ALK: variants seen among roughly 807,000 people sequenced by gnomAD.
The protein encoded by ALK is ALK tyrosine kinase receptor.
In ALK, 74 loss-of-function variants were observed where a neutral mutation model predicts 163.1. That is an observed-to-expected ratio of 0.45 (90% confidence interval 0.38 to 0.55). The LOEUF is 0.55. Among genes scored for constraint, ALK ranks in the 20% least tolerant of loss-of-function variants. The pLI is 0.00. For missense variants in ALK, 2,063 were observed against 2,105.3 expected (o/e 0.98, Z 0.39); for synonymous variants, 960 against 843.2 (o/e 1.14, Z -2.40).
rs568743316 is a variant in ALK at position 29,249,619 on chromosome 2, C to T, written c.2204+1486G>A. Among the ~76,000 whole-genome samples the T allele has an allele frequency of 1.1e-4, 17 of 152,296 alleles. No individual in the cohort carries two copies. The East Asian group carries it at 2.7e-3, about 24-fold the overall frequency. ...CCTTACATGTGTTGCTAAGCTCCTC[C>T]GACTCCAGAGTTCTCCCTTGGAAAC... is the stretch of plus-strand genomic sequence containing the variant. On this transcript the variant is annotated intron_variant, in intron 12 of 28. Coordinates refer to ENST00000389048, the MANE Select transcript of ALK (RefSeq NM_004304.5).
intron 4 of ALK, among the ~76,000 whole-genome samples, chr2:29,429,409 T>A (rs1187095527): frequency 2.0e-5 from 3 of 151,982 alleles, no homozygotes; most frequent in Non-Finnish European, 4.4e-5. Flanking sequence ...AAGGTTGCAG[T>A]ATACCAAAAA....
chr2:29,214,246 A>G (rs1247364624), intron 23 of ALK, among the ~76,000 whole-genome samples, 165 bp from the exon 24 acceptor site: 1 of 152,170 alleles, frequency 6.6e-6, no homozygotes, highest in Non-Finnish European at 1.5e-5. Context: ...GAGGCATTTG[A>G]AAGAATTTGG....
chr2:29,912,944 A>T (rs1667745468), intron 1 of ALK, among the ~76,000 whole-genome samples: 1 of 152,200 alleles, frequency 6.6e-6, no homozygotes, highest in Non-Finnish European at 1.5e-5. Context: ...AAAGAAAAAT[A>T]TAACCAATGG....
At chr2:29,665,368 C>T (rs1677484147) in intron 3 of ALK, among the ~76,000 whole-genome samples, 1 of 151,980 alleles carries the variant, frequency 6.6e-6, no homozygotes. Flanking sequence ...TACTCTGAGC[C>T]TACTGTATTT....
intron 9 of ALK, among the ~76,000 whole-genome samples, chr2:29,293,055 G>A (rs1666080406): frequency 6.6e-6 from 1 of 152,182 alleles, no homozygotes; most frequent in Admixed American, 6.5e-5. Context: ...GACAAAGAAA[G>A]CACAGGTACC....
intron 2 of ALK, among the ~76,000 whole-genome samples, chr2:29,712,259 A>G (rs1202797976): frequency 6.6e-6 from 1 of 152,206 alleles, no homozygotes; most frequent in Non-Finnish European, 1.5e-5. Context: ...TGGTGAATGC[A>G]TGCAGAGATC....
chr2:29,861,317 A>G (rs935089320), intron 1 of ALK, among the ~76,000 whole-genome samples: 4 of 152,218 alleles, frequency 2.6e-5, no homozygotes, highest in African/African-American at 7.2e-5. Context: ...AATAAATGAA[A>G]CAGATACTTG....
intron 1 of ALK, among the ~76,000 whole-genome samples, chr2:29,751,964 T>C (rs1421741019): frequency 1.3e-5 from 2 of 152,126 alleles, no homozygotes; most frequent in African/African-American, 2.4e-5. Flanking sequence ...AGAGGTATTA[T>C]CCCCATTTTA....
chr2:29,698,243 T>G (rs1678630102), intron 2 of ALK, among the ~76,000 whole-genome samples: 2 of 152,132 alleles, frequency 1.3e-5, no homozygotes, highest in Admixed American at 1.3e-4. Context: ...GACACCTGGT[T>G]TTCAGAGCAG....
intron 3 of ALK, among the ~76,000 whole-genome samples, chr2:29,657,388 T>C (rs1397372025): frequency 6.6e-6 from 1 of 151,758 alleles, no homozygotes; most frequent in Non-Finnish European, 1.5e-5. Flanking sequence ...ATCTGTAAAA[T>C]GGGGACAGCA....
Position 29,918,607 on chromosome 2 carries a change from ACT to A in ALK, c.667+1384_667+1385del, listed in dbSNP as rs756697097. On this transcript the variant is annotated intron_variant, in intron 1 of 28. Coordinates refer to ENST00000389048, the MANE Select transcript of ALK (RefSeq NM_004304.5). ...CACTAATGTTGAAATGTGCATCCGC[ACT>A]CTGTTTTTCTTGGGGGTCACATACT... Among the ~76,000 whole-genome samples the A allele has an allele frequency of 1.3e-4, 19 of 149,432 alleles. No homozygotes were observed. In the East Asian group the frequency reaches 2.7e-3, roughly 22 times the overall value.
intron 1 of ALK, among the ~76,000 whole-genome samples, chr2:29,807,671 G>A (rs1664656371): frequency 6.6e-6 from 1 of 152,312 alleles, no homozygotes; most frequent in South Asian, 2.1e-4. Context: ...AATATAAATG[G>A]TTAATAAGGT....
chr2:29,196,979 G>A (rs1235775337), intron 27 of ALK, 119 bp from the exon 28 acceptor site: 2 of 798,828 alleles, frequency 2.5e-6, no homozygotes, highest in Non-Finnish European at 4.2e-6. Flanking sequence ...TAGGCCCCGT[G>A]TACTTGGCCT....
intron 1 of ALK, among the ~76,000 whole-genome samples, chr2:29,867,789 A>C (rs964890421): frequency 2.0e-5 from 3 of 152,146 alleles, no homozygotes; most frequent in Admixed American, 6.5e-5. Context: ...TCATCTGCAA[A>C]TGGGATCCCC....
At chr2:29,367,047 C>T (rs1168978188) in intron 5 of ALK, among the ~76,000 whole-genome samples, 6 of 151,540 alleles carry the variant, frequency 4.0e-5, no homozygotes, top group Non-Finnish European at 8.8e-5. Context: ...CTTGGGCCGT[C>T]CTCTTTTTGA....
chr2:29,844,504 C>T (rs1003286720), intron 1 of ALK, among the ~76,000 whole-genome samples: 2 of 152,090 alleles, frequency 1.3e-5, no homozygotes, highest in African/African-American at 4.8e-5. Context: ...GGCCTGTAAA[C>T]CTCTGATATA....
rs567484590 is a variant in ALK at position 29,914,850 on chromosome 2, G to A, written c.667+5143C>T. On this transcript the variant is annotated intron_variant, in intron 1 of 28. Coordinates refer to ENST00000389048, the MANE Select transcript of ALK (RefSeq NM_004304.5). ...TAGTGGAAAGAACTCTGACTTGAAGGAAAGGGGAACTGTGGTTCTAGTCAG... is the reference window on the plus strand; with the variant it reads ...TAGTGGAAAGAACTCTGACTTGAAGAAAAGGGGAACTGTGGTTCTAGTCAG... 3.9e-5 allele frequency among the ~76,000 whole-genome samples: 6 copies of A among 152,316 alleles called. No homozygotes were observed. In the South Asian group the frequency reaches 8.3e-4, roughly 21 times the overall value.
intron 1 of ALK, among the ~76,000 whole-genome samples, chr2:29,720,535 C>T (rs183691111): frequency 4.6e-5 from 7 of 152,244 alleles, no homozygotes; most frequent in Admixed American, 6.5e-5. Context: ...GGGGGTCAGC[C>T]AAAAGGCTGA....
At chr2:29,462,393 G>A (rs572288537) in intron 4 of ALK, among the ~76,000 whole-genome samples, 16 of 152,158 alleles carry the variant, frequency 1.1e-4, no homozygotes, top group Middle Eastern at 6.8e-3. Flanking sequence ...TTGATGCAGC[G>A]AACTTCATTG....
Sources: allele counts gnomAD v4.1 joint callset (sites outside exome capture counted in the v4.1 genomes callset), GRCh38; gene constraint gnomAD v4.1.1; transcripts MANE v1.5; gene names NCBI Gene and HGNC (gene_info 2026-07-23, HGNC 2026-07-21).